The following LCA5L variants were observed in gnomAD, a reference collection of about 807,000 sequenced individuals.
LCA5L encodes the protein lebercilin LCA5 like.
Under a neutral mutation model 45.4 loss-of-function variants are expected in LCA5L, and 35 were observed. The observed-to-expected ratio is 0.77, with a 90% CI of 0.59 to 1.02. LCA5L has a LOEUF of 1.02. LCA5L is among the 50% of genes least tolerant of loss of function. The pLI is 0.00. For synonymous variants in LCA5L, 233 were observed against 264.7 expected (o/e 0.88, Z 1.16); for missense variants, 668 against 761.6 (o/e 0.88, Z 1.45).
chr21:39,418,896 ATG>A (rs1301879943), intron 7 of LCA5L, among the ~76,000 whole-genome samples: 1 of 152,170 alleles, frequency 6.6e-6, no homozygotes, highest in African/African-American at 2.4e-5. Flanking sequence ...GTGTCTCCAT[ATG>A]TGTGTGTGTT....
At position 39,423,137 on chromosome 21, in the gene LCA5L, T is replaced by A. The variant is rs2074045368; in HGVS notation, c.676A>T (p.Arg226Trp). Residue 226 changes from arginine (R) to tryptophan (W), a missense_variant, in exon 6 of 11, where the codon AGG (arginine) becomes TGG (tryptophan). Physicochemically the swap from Arg to Trp is moderately radical, Grantham distance 101. Transcript: ENST00000288350. ...TGGCTGTCAGTTTCTCTAAGTTTCC[T>A]AGATAGAGTTCTTTCCTTTTCCTGG... ...KSQEKERTLS[R>W]KLRETDSQLL... 2.5e-6 allele frequency: 4 copies of A among 1,613,716 alleles called. No individual in the cohort carries two copies. Among genetic ancestry groups the A allele is most frequent in the East Asian group, 2.2e-5 (1 of 44,872 alleles).
At chr21:39,422,824 C>T in intron 6 of LCA5L, 152 bp downstream of exon 6, 1 of 711,608 alleles carries the variant, frequency 1.4e-6, no homozygotes. Context: ...CCTTTCTGTG[C>T]CCTCTATTAG....
intron 3 of LCA5L, among the ~76,000 whole-genome samples, chr21:39,431,664 C>T (rs185690411): frequency 4.6e-5 from 7 of 152,004 alleles, no homozygotes; most frequent in South Asian, 2.1e-4. Context: ...ACTACAGGTA[C>T]GTGCCACCAA....
rs1245514725 is a variant in LCA5L at position 39,423,497 on chromosome 21, AAGC to A, written c.323-10_323-8del. The A allele has an allele frequency of 1.3e-6, 2 of 1,538,018 alleles. No homozygotes were observed. On this transcript the variant is annotated splice_polypyrimidine_tract_variant and splice_region_variant and intron_variant, in intron 5 of 10. Coordinates refer to ENST00000288350, the MANE Select transcript of LCA5L (RefSeq NM_152505.4). ...ACTGATATTTCCTTCTGGCCTGTGTAAGCAGAAAATCCAGTTTATTACTAGTAA... is the reference window on the plus strand; with the variant it reads ...ACTGATATTTCCTTCTGGCCTGTGTAAGAAAATCCAGTTTATTACTAGTAA...
chr21:39,407,034 C>T (rs2039185491), intron 10 of LCA5L, among the ~76,000 whole-genome samples: 1 of 152,116 alleles, frequency 6.6e-6, no homozygotes, highest in South Asian at 2.1e-4. Flanking sequence ...TGAGACCAGC[C>T]TGGGCAACAT....
chr21:39,423,538 T>A, intron 5 of LCA5L, 48 bp from the exon 6 acceptor site: 1 of 1,457,238 alleles, frequency 6.9e-7, no homozygotes, highest in African/African-American at 1.4e-5. Context: ...TATACAGATA[T>A]GCAAATATGC....
chr21:39,421,683 A>T (rs1429599022), intron 6 of LCA5L: 2 of 152,214 alleles, frequency 1.3e-5, no homozygotes, highest in South Asian at 4.1e-4. Context: ...CTCCTCCATT[A>T]TAACAGCAGT....
chr21:39,415,588 C>T (rs2040988391), intron 7 of LCA5L, among the ~76,000 whole-genome samples: 1 of 152,202 alleles, frequency 6.6e-6, no homozygotes, highest in Non-Finnish European at 1.5e-5. Flanking sequence ...CTTCATTCCA[C>T]TTCCCCCAAT....
intron 7 of LCA5L, among the ~76,000 whole-genome samples, chr21:39,415,186 C>T (rs1342470332): frequency 2.6e-5 from 4 of 152,150 alleles, no homozygotes; most frequent in Admixed American, 1.3e-4. Context: ...GCCACCATGC[C>T]TGGCTTGGAG....
At chr21:39,419,251 G>A (rs987496978) in intron 7 of LCA5L, among the ~76,000 whole-genome samples, 2 of 152,064 alleles carry the variant, frequency 1.3e-5, no homozygotes, top group African/African-American at 4.8e-5. Flanking sequence ...CAGGCTGGGT[G>A]TGGTGGCTCA....
chr21:39,411,047 C>T (rs2040011583), intron 8 of LCA5L: 1 of 396,280 alleles, frequency 2.5e-6, no homozygotes, highest in Non-Finnish European at 5.0e-6. Flanking sequence ...GAGAGGTATA[C>T]ACTAATGATA....
chr21:39,419,529 A>AG (rs1555897304), intron 7 of LCA5L, among the ~76,000 whole-genome samples: 1 of 147,276 alleles, frequency 6.8e-6, no homozygotes, highest in Non-Finnish European at 1.5e-5. Flanking sequence ...TGTTCAAAAA[A>AG]AAAAAAGAAA....
chr21:39,417,740 CTTT>C (rs2041478383), intron 7 of LCA5L, among the ~76,000 whole-genome samples: 1 of 151,796 alleles, frequency 6.6e-6, no homozygotes, highest in East Asian at 1.9e-4. Context: ...AGGGGAGCTT[CTTT>C]TTATTTATTT....
At chr21:39,424,612 G>C (rs2074326016) in intron 5 of LCA5L, among the ~76,000 whole-genome samples, 1 of 152,174 alleles carries the variant, frequency 6.6e-6, no homozygotes, top group African/African-American at 2.4e-5. Flanking sequence ...TGGGTAATTA[G>C]AGTATAACAT....
intron 10 of LCA5L, among the ~76,000 whole-genome samples, chr21:39,407,310 C>G (rs2039244414): frequency 6.6e-6 from 1 of 152,122 alleles, no homozygotes; most frequent in South Asian, 2.1e-4. Flanking sequence ...ATCCAATTGG[C>G]AAATAATTTC....
At chr21:39,438,100 G>C (rs545615517) in intron 2 of LCA5L, among the ~76,000 whole-genome samples, 1 of 152,240 alleles carries the variant, frequency 6.6e-6, no homozygotes, top group Non-Finnish European at 1.5e-5. Context: ...GGACTACTTT[G>C]ATCAGATACT....
chr21:39,445,137 T>A (rs1353030097), intron 1 of LCA5L, among the ~76,000 whole-genome samples: 1 of 151,970 alleles, frequency 6.6e-6, no homozygotes, highest in Non-Finnish European at 1.5e-5. Flanking sequence ...TTGGCTTAAG[T>A]GTGGCAACGA....
chr21:39,425,374 A>G (rs2082076050), intron 5 of LCA5L, among the ~76,000 whole-genome samples: 1 of 152,228 alleles, frequency 6.6e-6, no homozygotes, highest in South Asian at 2.1e-4. Flanking sequence ...AATCATAACT[A>G]TGAAAGAACT....
chr21:39,435,594 G>A (rs1433061420), intron 2 of LCA5L, 21 bp from the exon 3 acceptor site: 3 of 152,102 alleles, frequency 2.0e-5, no homozygotes, highest in Non-Finnish European at 4.4e-5. Flanking sequence ...ATTACAAAAG[G>A]AAAATGTTAC....
Sources: allele counts gnomAD v4.1 joint callset (sites outside exome capture counted in the v4.1 genomes callset), GRCh38; gene constraint gnomAD v4.1.1; transcripts MANE v1.5; gene names NCBI Gene and HGNC (gene_info 2026-07-23, HGNC 2026-07-21).